The following LRRC7 variants were observed in gnomAD, a reference collection of about 807,000 sequenced individuals.
LRRC7 encodes the protein leucine-rich repeat-containing protein 7.
In LRRC7, 23 loss-of-function variants were observed where a neutral mutation model predicts 175.7. The observed-to-expected ratio is 0.13, with a 90% confidence interval of 0.09 to 0.19. LRRC7 has a LOEUF of 0.19. Ranked by LOEUF, LRRC7 falls within the 10% of genes least tolerant of loss-of-function variation. The probability of loss-of-function intolerance (pLI) is 1.00; values close to 1 mark genes in which losing one functional copy is unlikely to be tolerated. For missense variants in LRRC7, 1,354 were observed against 1,904.7 expected, an observed-to-expected ratio of 0.71 and a Z score of 5.38; for synonymous variants, 685 against 680.9, an observed-to-expected ratio of 1.01 and a Z score of -0.09.
chr1:69,850,088 T>C (rs1261985977), intron 7 of LRRC7, among the ~76,000 whole-genome samples: 2 of 151,948 alleles, frequency 1.3e-5, no homozygotes, highest in Admixed American at 6.6e-5. Flanking sequence ...TTTTTGTCGT[T>C]GTTTTTTCTA....
intron 7 of LRRC7, chr1:69,919,540 G>T: frequency 1.3e-6 from 1 of 798,394 alleles, no homozygotes; most frequent in Non-Finnish European, 2.1e-6. Flanking sequence ...GCACCTGCTA[G>T]TGAAGCCAGT....
At chr1:69,739,259 T>C (rs1054806219) in intron 2 of LRRC7, among the ~76,000 whole-genome samples, 3 of 152,076 alleles carry the variant, frequency 2.0e-5, no homozygotes, top group African/African-American at 7.2e-5. Context: ...AATATCATAA[T>C]ACAAACCATA....
At chr1:69,916,230 A>ACATATTTTATATAT in intron 7 of LRRC7, among the ~76,000 whole-genome samples, 1 of 82,432 alleles carries the variant, frequency 1.2e-5, no homozygotes. Flanking sequence ...TGTATAATAT[A>ACATATTTTATATAT]AATATATTTT....
chr1:69,997,797 T>A (rs1453906743), intron 11 of LRRC7, among the ~76,000 whole-genome samples: 1 of 151,438 alleles, frequency 6.6e-6, no homozygotes, highest in Non-Finnish European at 1.5e-5. Context: ...GCTGGATTCG[T>A]TTTGCCAGTA....
rs1666355276 is a variant in LRRC7 at position 70,124,452 on chromosome 1, G to A, written c.*2565G>A. On this transcript the variant is annotated 3_prime_UTR_variant, in exon 27 of 27. Transcript: ENST00000651989. ...CATGAGAATCAATCGCTTGACCTGGGAGGCGGAGGTTGCAGTGAGCTGAGA... is the reference window on the plus strand; with the variant it reads ...CATGAGAATCAATCGCTTGACCTGGAAGGCGGAGGTTGCAGTGAGCTGAGA... Among the ~76,000 whole-genome samples the A allele has an allele frequency of 6.6e-6, 1 of 152,180 alleles. No individual in the cohort carries two copies. The highest frequency in any genetic ancestry group is 1.5e-5 in the Non-Finnish European group (1 of 68,034).
At chr1:69,802,648 T>C (rs745625894) in intron 4 of LRRC7, among the ~76,000 whole-genome samples, 9 of 151,372 alleles carry the variant, frequency 5.9e-5, no homozygotes, top group Non-Finnish European at 1.2e-4. Flanking sequence ...CAGCATATAG[T>C]TAATTCATGT....
chr1:69,792,436 A>G (rs1005439296), intron 4 of LRRC7, among the ~76,000 whole-genome samples: 3 of 152,012 alleles, frequency 2.0e-5, no homozygotes, highest in Non-Finnish European at 4.4e-5. Flanking sequence ...CTGCCCTCAC[A>G]AAGCTGACCT....
intron 2 of LRRC7, among the ~76,000 whole-genome samples, chr1:69,692,054 TGGGG>T (rs1661955850): frequency 3.9e-5 from 6 of 152,148 alleles, no homozygotes; most frequent in Non-Finnish European, 7.4e-5. Context: ...TTGGCAACTA[TGGGG>T]TTTTTCATAA....
chr1:69,972,709 G>T (rs1570863647), intron 8 of LRRC7, among the ~76,000 whole-genome samples: 1 of 152,064 alleles, frequency 6.6e-6, no homozygotes, highest in African/African-American at 2.4e-5. Context: ...AAACAGTGTG[G>T]TGATTCCTTA....
chr1:69,641,188 A>G (rs897428388), intron 1 of LRRC7, among the ~76,000 whole-genome samples: 3 of 151,696 alleles, frequency 2.0e-5, no homozygotes, highest in Admixed American at 6.6e-5. Context: ...CAGTACTCAA[A>G]ACAATTTTGA....
chr1:69,768,029 A>T (rs1240786468), intron 3 of LRRC7, among the ~76,000 whole-genome samples: 1 of 152,118 alleles, frequency 6.6e-6, no homozygotes, highest in Non-Finnish European at 1.5e-5. Flanking sequence ...CCGGCCACTC[A>T]TGCTGGGCTT....
chr1:69,590,745 T>C (rs528711233), intron 1 of LRRC7, among the ~76,000 whole-genome samples: 20 of 152,284 alleles, frequency 1.3e-4, no homozygotes, highest in Non-Finnish European at 2.4e-4. Context: ...ATTGTTAGGC[T>C]CTTTTAGATA....
intron 18 of LRRC7, among the ~76,000 whole-genome samples, chr1:70,033,468 A>G (rs955261284): frequency 5.9e-5 from 9 of 152,184 alleles, no homozygotes; most frequent in Non-Finnish European, 1.3e-4. Flanking sequence ...CATCATCATC[A>G]TCATCACTTC....
intron 7 of LRRC7, among the ~76,000 whole-genome samples, chr1:69,893,949 T>C (rs1367470647): frequency 3.3e-5 from 5 of 152,098 alleles, no homozygotes; most frequent in African/African-American, 4.8e-5. Context: ...AGGAGATTCA[T>C]TGGTGTGGGA....
intron 4 of LRRC7, among the ~76,000 whole-genome samples, chr1:69,819,944 A>G (rs1305386510): frequency 6.6e-6 from 1 of 152,080 alleles, no homozygotes; most frequent in African/African-American, 2.4e-5. Flanking sequence ...AGTTTGTTTC[A>G]AGCACGTGTA....
At chr1:69,669,666 C>A (rs576940702) in intron 1 of LRRC7, among the ~76,000 whole-genome samples, 1 of 152,288 alleles carries the variant, frequency 6.6e-6, no homozygotes, top group East Asian at 1.9e-4. Context: ...TCTACCCCTA[C>A]CTCTACCACC....
intron 2 of LRRC7, among the ~76,000 whole-genome samples, chr1:69,740,798 T>G (rs1026793553): frequency 3.9e-5 from 6 of 152,020 alleles, no homozygotes; most frequent in African/African-American, 7.2e-5. Context: ...AGGAGGCAGC[T>G]TTAGACTAAA....
intron 3 of LRRC7, among the ~76,000 whole-genome samples, chr1:69,782,617 G>A (rs991123388): frequency 2.6e-5 from 4 of 152,310 alleles, no homozygotes; most frequent in African/African-American, 9.6e-5. Context: ...AGAAGGGCCA[G>A]GGAAAAGGGA....
At chr1:69,995,170 AT>A (rs1475528094) in intron 11 of LRRC7, among the ~76,000 whole-genome samples, 1 of 152,132 alleles carries the variant, frequency 6.6e-6, no homozygotes, top group East Asian at 1.9e-4. Context: ...TAAAGATAAA[AT>A]ATACTCCATT....
Sources: allele counts gnomAD v4.1 joint callset (sites outside exome capture counted in the v4.1 genomes callset), GRCh38; gene constraint gnomAD v4.1.1; transcripts MANE v1.5; gene names NCBI Gene and HGNC (gene_info 2026-07-23, HGNC 2026-07-21).